CNOT6: variants seen among roughly 807,000 people sequenced by gnomAD.
CNOT6 encodes the protein carbon catabolite repression 4 protein.
A neutral mutation model predicts 61.2 loss-of-function variants in CNOT6; 12 were observed. That is an observed-to-expected ratio of 0.20 (90% CI 0.13 to 0.32). The LOEUF (loss-of-function observed/expected upper bound fraction) is 0.32. CNOT6 is among the 10% of genes least tolerant of loss of function. The pLI is 1.00. For synonymous variants in CNOT6, 225 were observed against 240.6 expected, an observed-to-expected ratio of 0.94 and a Z score of 0.60; for missense variants, 405 against 663.9, an observed-to-expected ratio of 0.61 and a Z score of 4.28.
intron 11 of CNOT6, among the ~76,000 whole-genome samples, chr5:180,573,097 G>A (rs1489141248): frequency 2.6e-5 from 4 of 152,184 alleles, no homozygotes; most frequent in Non-Finnish European, 5.9e-5. Flanking sequence ...GAAAGCATGG[G>A]TAGCAGCCAC....
chr5:180,542,832 GT>G (rs1410122536), intron 2 of CNOT6, among the ~76,000 whole-genome samples: 1 of 152,152 alleles, frequency 6.6e-6, no homozygotes, highest in Non-Finnish European at 1.5e-5. Flanking sequence ...GTAAATGCAA[GT>G]TTTTGGGTAC....
chr5:180,541,441 ATTTT>A lies in CNOT6; in HGVS notation c.113-8465_113-8462del, dbSNP rs1163850404. Among the ~76,000 whole-genome samples the A allele has an allele frequency of 4.7e-5, 5 of 106,578 alleles. No individual in the cohort carries two copies. In the East Asian group the frequency reaches 9.3e-4, roughly 20 times the overall value. 69.9% of individuals were successfully genotyped at this position (106,578 alleles called of 152,430 possible). A position where few individuals can be genotyped will look rare whatever the true frequency, so the allele number is the denominator to read the frequency against. On this transcript the variant is annotated intron_variant, in intron 2 of 11. Transcript: ENST00000261951. ...ATGAACCACCACAACTGGCCAAGAAATTTTTTTTTTTTTTTTTTTTTTTTTTTTG... is the reference window on the plus strand; with the variant it reads ...ATGAACCACCACAACTGGCCAAGAAATTTTTTTTTTTTTTTTTTTTTTTTG...
intron 4 of CNOT6, among the ~76,000 whole-genome samples, chr5:180,555,010 C>CTT (rs34968726): frequency 2.8e-5 from 4 of 140,524 alleles, no homozygotes; most frequent in African/African-American, 7.8e-5. Context: ...CACAAATTTG[C>CTT]TTTTTTTTTT....
At chr5:180,539,163 G>A (rs1271488799) in intron 2 of CNOT6, among the ~76,000 whole-genome samples, 2 of 122,546 alleles carry the variant, frequency 1.6e-5, no homozygotes, top group Admixed American at 1.9e-4. Flanking sequence ...AACAGAGCGA[G>A]ACTCCATCTC....
intron 1 of CNOT6, among the ~76,000 whole-genome samples, chr5:180,512,991 G>A (rs533862536): frequency 1.4e-4 from 22 of 151,780 alleles, no homozygotes; most frequent in African/African-American, 5.3e-4. Flanking sequence ...CGCCTCCTGG[G>A]TTCACGCCAT....
At chr5:180,572,783 T>A (rs1760817363) in intron 11 of CNOT6, among the ~76,000 whole-genome samples, 1 of 151,886 alleles carries the variant, frequency 6.6e-6, no homozygotes. Context: ...CTTGAACCCC[T>A]GGCCTCAAGC....
chr5:180,564,335 T>G (rs544999115), intron 4 of CNOT6, among the ~76,000 whole-genome samples, 154 bp from the exon 5 acceptor site: 20 of 152,348 alleles, frequency 1.3e-4, no homozygotes, highest in Middle Eastern at 3.4e-3. Flanking sequence ...TTTTTACTTA[T>G]ATCAGAAACT....
intron 1 of CNOT6, chr5:180,495,661 C>T (rs1370282047): frequency 6.6e-6 from 1 of 152,178 alleles, no homozygotes; most frequent in African/African-American, 2.4e-5. Context: ...GGTGGATTGT[C>T]TCATTGTTAG....
intron 3 of CNOT6, 76 bp downstream of exon 3, chr5:180,550,193 G>T: frequency 8.5e-7 from 1 of 1,170,044 alleles, no homozygotes; most frequent in Non-Finnish European, 1.2e-6. Flanking sequence ...AGTGGCTTAT[G>T]CCTGTAATTC....
chr5:180,526,697 A>C (rs183950906), intron 1 of CNOT6, among the ~76,000 whole-genome samples: 1 of 152,302 alleles, frequency 6.6e-6, no homozygotes, highest in Non-Finnish European at 1.5e-5. Context: ...GTTTAGCTGC[A>C]TGGGTATACA....
intron 2 of CNOT6, among the ~76,000 whole-genome samples, chr5:180,537,482 A>G (rs192875967): frequency 6.0e-4 from 90 of 150,866 alleles, no homozygotes; most frequent in Non-Finnish European, 9.9e-4. Flanking sequence ...TTGTTTTCCT[A>G]TTGTTCAGTT....
At chr5:180,510,667 A>G (rs1757350640) in intron 1 of CNOT6, among the ~76,000 whole-genome samples, 1 of 152,206 alleles carries the variant, frequency 6.6e-6, no homozygotes, top group African/African-American at 2.4e-5. Context: ...TTGTCTTTAT[A>G]TGACATTTAA....
chr5:180,526,047 C>T lies in CNOT6; in HGVS notation c.-2-3228C>T, dbSNP rs180966768. On this transcript the variant is annotated intron_variant, in intron 1 of 11. Coordinates refer to ENST00000261951, the MANE Select transcript of CNOT6 (RefSeq NM_001370472.1). ...TCCTGGACTCAAGTGTTCCTCCCTC[C>T]CCAGCATCTCAAAGCCGTTGGGGTT... Among the ~76,000 whole-genome samples the T allele has an allele frequency of 3.6e-4, 55 of 152,260 alleles. No individual in the cohort carries two copies. The East Asian group carries it at 9.1e-3, about 25-fold the overall frequency.
rs552410258 is a variant in CNOT6 at position 180,559,566 on chromosome 5, G to C, written c.386-4923G>C. On this transcript the variant is annotated intron_variant, in intron 4 of 11. Coordinates refer to ENST00000261951, the MANE Select transcript of CNOT6 (RefSeq NM_001370472.1). ...AATCCATTCTACCAGTCTTTTAATT[G>C]GTATATTTAGACCATTTACATTTAA... Among the ~76,000 whole-genome samples the C allele has an allele frequency of 3.3e-5, 5 of 152,188 alleles. No individual in the cohort carries two copies. The South Asian group carries it at 1.0e-3, about 32-fold the overall frequency.
chr5:180,509,218 G>A (rs1313367192), intron 1 of CNOT6, among the ~76,000 whole-genome samples: 5 of 152,162 alleles, frequency 3.3e-5, no homozygotes, highest in African/African-American at 9.6e-5. Flanking sequence ...TGCAACCTCC[G>A]CCTCCTGGGC....
intron 1 of CNOT6, among the ~76,000 whole-genome samples, chr5:180,496,100 G>A (rs1489809055): frequency 6.6e-6 from 1 of 152,062 alleles, no homozygotes; most frequent in East Asian, 1.9e-4. Flanking sequence ...GTAGAGCCTT[G>A]CTCTGTTGCC....
chr5:180,525,012 A>G (rs1758034114), intron 1 of CNOT6, among the ~76,000 whole-genome samples: 1 of 152,178 alleles, frequency 6.6e-6, no homozygotes. Flanking sequence ...CAGAAAGAGC[A>G]CTTTCCTTAC....
chr5:180,543,058 T>C (rs1345740395), intron 2 of CNOT6, among the ~76,000 whole-genome samples: 1 of 152,106 alleles, frequency 6.6e-6, no homozygotes, highest in Non-Finnish European at 1.5e-5. Context: ...TAAATTTATT[T>C]ATTTATTTAT....
chr5:180,504,955 ATTTTTTTTTTT>A (rs769852255), intron 1 of CNOT6, among the ~76,000 whole-genome samples: 2 of 101,492 alleles, frequency 2.0e-5, no homozygotes, highest in East Asian at 5.3e-4. Context: ...GTACTAGTTA[ATTTTTTTTTTT>A]TTTTTTTTTT....
Sources: gnomAD v4.1 joint callset for allele counts (sites outside exome capture counted in the v4.1 genomes callset) on GRCh38, gnomAD v4.1.1 for gene constraint, MANE v1.5 for transcripts, NCBI Gene and HGNC (gene_info 2026-07-23, HGNC 2026-07-21) for gene names.